The following SCN8A variants were observed in gnomAD, a reference collection of about 807,000 sequenced individuals.
SCN8A encodes the protein sodium channel protein type 8 subunit alpha.
Under a neutral mutation model 184.1 loss-of-function variants are expected in SCN8A, and 30 were observed. That is an observed-to-expected ratio of 0.16 (90% confidence interval 0.12 to 0.22). The LOEUF is 0.22. Among genes scored for constraint, SCN8A ranks in the 10% least tolerant of loss-of-function variants. The probability of loss-of-function intolerance (pLI) is 1.00; values close to 1 mark genes in which losing one functional copy is unlikely to be tolerated. For missense variants in SCN8A, 1,057 were observed against 2,498.9 expected, an observed-to-expected ratio of 0.42 and a Z score of 12.30; for synonymous variants, 852 against 907.0, an observed-to-expected ratio of 0.94 and a Z score of 1.09.
At chr12:51,595,679 G>C (rs1939332078) in intron 1 of SCN8A, among the ~76,000 whole-genome samples, 2 of 152,152 alleles carry the variant, frequency 1.3e-5, no homozygotes, top group Non-Finnish European at 2.9e-5. Context: ...TGAAATCTCT[G>C]TTTCCTTATG....
chr12:51,750,995 C>T (rs2138837610), intron 13 of SCN8A, among the ~76,000 whole-genome samples: 1 of 152,268 alleles, frequency 6.6e-6, no homozygotes, highest in Middle Eastern at 3.4e-3. Context: ...TGTTTTACAG[C>T]TGAGGCAGCT....
intron 5 of SCN8A, among the ~76,000 whole-genome samples, chr12:51,687,746 T>G (rs1043525687): frequency 3.3e-5 from 5 of 152,206 alleles, no homozygotes; most frequent in African/African-American, 9.7e-5. Flanking sequence ...GAACTATTGC[T>G]CAAGATCAGT....
At chr12:51,679,408 T>C (rs1941286155) in intron 2 of SCN8A, among the ~76,000 whole-genome samples, 1 of 152,212 alleles carries the variant, frequency 6.6e-6, no homozygotes, top group South Asian at 2.1e-4. Context: ...CATTCTTAAA[T>C]GGTTGGATGT....
Position 51,807,172 on chromosome 12 carries a change from G to A in SCN8A, c.5686G>A (p.Glu1896Lys). The A allele has an allele frequency of 6.2e-7, 1 of 1,613,968 alleles. No individual in the cohort carries two copies. Among genetic ancestry groups the A allele is most frequent in the Non-Finnish European group, 8.5e-7 (1 of 1,179,900 alleles). The part of the protein sequence containing the change: ...ITTTLRRKQE[E>K]VSAVVLQRAY... ...AACCACACTGCGTCGCAAGCAGGAG[G>A]AGGTATCTGCAGTGGTCCTGCAGCG... is the stretch of plus-strand genomic sequence containing the variant. Residue 1896 changes from glutamate (E) to lysine (K), a missense_variant, in exon 27 of 27, where the codon GAG becomes AAG. By Grantham distance (56) the Glu-to-Lys change is moderately conservative. This residue lies in a region of SCN8A where 95 missense variants were observed against 140.2 expected (regional missense o/e 0.68). Transcript: ENST00000627620. The surrounding 1 kb of genome is among the most constrained non-coding windows in gnomAD (Gnocchi z 4.5).
chr12:51,708,170 A>G (rs897327127), intron 11 of SCN8A, among the ~76,000 whole-genome samples: 1 of 152,238 alleles, frequency 6.6e-6, no homozygotes, highest in Non-Finnish European at 1.5e-5. Context: ...TAAGAATTGC[A>G]TTTAATTATA....
Position 51,677,056 on chromosome 12 carries a change from G to GTTTTATTTTATTTTATTTTA in SCN8A, c.277-7082_277-7063dup, listed in dbSNP as rs58540656. 3.4e-3 allele frequency among the ~76,000 whole-genome samples: 447 copies of GTTTTATTTTATTTTATTTTA among 133,172 alleles called. 20 individuals are homozygous for GTTTTATTTTATTTTATTTTA. Among genetic ancestry groups the GTTTTATTTTATTTTATTTTA allele is most frequent in the Admixed American group, 0.025 (319 of 12,982 alleles). 87.4% of individuals were successfully genotyped at this position (133,172 alleles called of 152,430 possible). On this transcript the variant is annotated intron_variant, in intron 2 of 26. Coordinates refer to ENST00000627620, the MANE Select transcript of SCN8A (RefSeq NM_001330260.2). ...ATATATATGCATCCTTTATTGTTTT[G>GTTTTATTTTATTTTATTTTA]TTTTATTTTATTTTATTTTATTTTA... is the stretch of plus-strand genomic sequence containing the variant.
intron 1 of SCN8A, among the ~76,000 whole-genome samples, chr12:51,594,150 A>G (rs1261834943): frequency 6.6e-6 from 1 of 152,202 alleles, no homozygotes; most frequent in Admixed American, 6.5e-5. Context: ...CTCCCACCCA[A>G]TACAGGAATC....
At chr12:51,681,972 G>C (rs573568569) in intron 2 of SCN8A, among the ~76,000 whole-genome samples, 1 of 152,088 alleles carries the variant, frequency 6.6e-6, no homozygotes, top group South Asian at 2.1e-4. Context: ...AAAGGTGGGG[G>C]CTTTTCATAA....
chr12:51,605,584 A>G (rs528094084), intron 1 of SCN8A, among the ~76,000 whole-genome samples: 1 of 152,234 alleles, frequency 6.6e-6, no homozygotes, highest in South Asian at 2.1e-4. Flanking sequence ...TCATATAATG[A>G]CTTCTTTTCC....
chr12:51,713,369 A>G (rs1941913499), intron 11 of SCN8A: 2 of 1,011,956 alleles, frequency 2.0e-6, no homozygotes, highest in East Asian at 4.7e-5. Flanking sequence ...TAAGTCACAA[A>G]ACCAAAGCCC....
chr12:51,793,483 G>C (rs549221250), intron 25 of SCN8A, among the ~76,000 whole-genome samples: 2 of 152,196 alleles, frequency 1.3e-5, no homozygotes, highest in Non-Finnish European at 2.9e-5. Flanking sequence ...CAGAGGAAAG[G>C]TATGGGCTGG....
At chr12:51,788,670 T>C (rs778014732) in intron 22 of SCN8A, 25 bp from the exon 23 acceptor site, 1 of 1,597,264 alleles carries the variant, frequency 6.3e-7, no homozygotes, top group Non-Finnish European at 8.5e-7. Context: ...ATAGGCACCG[T>C]CTAATGACTG....
rs1216999580 is a variant in SCN8A at position 51,808,304 on chromosome 12, A to C, written c.*875A>C. ...AGGGAAACAACCAACTAATTGACTA[A>C]CACCACCAACAACAAAAAACAAACC... On this transcript the variant is annotated 3_prime_UTR_variant, in exon 27 of 27. Coordinates refer to ENST00000627620, the MANE Select transcript of SCN8A (RefSeq NM_001330260.2). 2.0e-5 allele frequency: 3 copies of C among 152,628 alleles called. No homozygotes were observed. The highest frequency in any genetic ancestry group is 4.4e-5 in the Non-Finnish European group (3 of 68,054). 9.5% of individuals were successfully genotyped at this position (152,628 alleles called of 1,614,324 possible).
chr12:51,712,336 C>T, intron 11 of SCN8A: 3 of 591,654 alleles, frequency 5.1e-6, no homozygotes, highest in Non-Finnish European at 9.1e-6. Flanking sequence ...ATCATCCTTC[C>T]TTCTGTGGCA....
chr12:51,779,551 C>T (rs1432335116), intron 20 of SCN8A, among the ~76,000 whole-genome samples: 2 of 152,168 alleles, frequency 1.3e-5, no homozygotes, highest in Non-Finnish European at 2.9e-5. Flanking sequence ...TGTTGTGTAA[C>T]CTGCCCACTG....
At chr12:51,666,155 G>A (rs988199981) in intron 2 of SCN8A, among the ~76,000 whole-genome samples, 8 of 152,186 alleles carry the variant, frequency 5.3e-5, no homozygotes, top group Non-Finnish European at 1.0e-4. Context: ...TTGTGAAGAA[G>A]CAACTAAATT....
chr12:51,601,328 G>A (rs1455920335), intron 1 of SCN8A, among the ~76,000 whole-genome samples: 1 of 152,070 alleles, frequency 6.6e-6, no homozygotes, highest in Non-Finnish European at 1.5e-5. Flanking sequence ...GCAGGAGAGG[G>A]TTGTGTAAAA....
intron 1 of SCN8A, among the ~76,000 whole-genome samples, chr12:51,645,646 AC>A (rs1197348011): frequency 1.3e-5 from 2 of 152,046 alleles, no homozygotes; most frequent in African/African-American, 4.8e-5. Context: ...TTGATCGGTG[AC>A]CTTACCCCCA....
chr12:51,770,257 G>C, intron 18 of SCN8A: 1 of 585,620 alleles, frequency 1.7e-6, no homozygotes, highest in Non-Finnish European at 3.0e-6. Context: ...TGTCATGGCT[G>C]TGCCTGCCTC....
Sources: allele counts gnomAD v4.1 joint callset (sites outside exome capture counted in the v4.1 genomes callset), GRCh38; gene constraint gnomAD v4.1.1; regional missense constraint gnomAD v4.1.1; non-coding constraint Gnocchi (gnomAD v3.1); transcripts MANE v1.5; gene names NCBI Gene and HGNC (gene_info 2026-07-23, HGNC 2026-07-21).